Variants in CNTN6 observed in about 807,000 individuals in gnomAD.
The protein encoded by CNTN6 is contactin 6.
CNTN6 carries 137 observed loss-of-function variants against 122.8 expected under a neutral mutation model. That is an observed-to-expected ratio of 1.12 (90% CI 0.97 to 1.29). The LOEUF (loss-of-function observed/expected upper bound fraction) is 1.29. Ranked by LOEUF, CNTN6 falls within the 50% of genes most tolerant of loss-of-function variation. The probability of loss-of-function intolerance (pLI) is 0.00; values close to 1 mark genes in which losing one functional copy is unlikely to be tolerated. For synonymous variants in CNTN6, 570 were observed against 426.0 expected, an observed-to-expected ratio of 1.34 and a Z score of -4.16; for missense variants, 1,634 against 1,223.4, an observed-to-expected ratio of 1.34 and a Z score of -5.01.
At chr3:1,138,888 C>G (rs1574986580) in intron 1 of CNTN6, among the ~76,000 whole-genome samples, 1 of 151,842 alleles carries the variant, frequency 6.6e-6, no homozygotes. Context: ...CCTTTTCATT[C>G]TTTTCATTCC....
At chr3:1,316,068 A>G (rs1575670567) in intron 7 of CNTN6, among the ~76,000 whole-genome samples, 1 of 151,996 alleles carries the variant, frequency 6.6e-6, no homozygotes, top group East Asian at 1.9e-4. Context: ...ATTTTTATTA[A>G]TTGAACACTC....
At chr3:1,154,452 T>TTTTTTTTTTG (rs1202524684) in intron 2 of CNTN6, among the ~76,000 whole-genome samples, 4 of 150,912 alleles carry the variant, frequency 2.7e-5, no homozygotes, top group African/African-American at 7.4e-5. Context: ...TTCTTTCTTT[T>TTTTTTTTTTG]TTTTTTTTGA....
intron 2 of CNTN6, among the ~76,000 whole-genome samples, chr3:1,157,109 A>G (rs554095604): frequency 6.6e-6 from 1 of 151,876 alleles, no homozygotes; most frequent in African/African-American, 2.4e-5. Flanking sequence ...ATAGGCATGC[A>G]ATGCATAATC....
chr3:1,371,901 G>T (rs1017271039), intron 12 of CNTN6, among the ~76,000 whole-genome samples: 2 of 152,084 alleles, frequency 1.3e-5, no homozygotes, highest in South Asian at 2.1e-4. Flanking sequence ...TAGAAACATG[G>T]TTTGTCTCAT....
intron 4 of CNTN6, among the ~76,000 whole-genome samples, chr3:1,244,717 A>G (rs1228821957): frequency 6.6e-6 from 1 of 152,090 alleles, no homozygotes; most frequent in African/African-American, 2.4e-5. Context: ...GAGTCCGAAA[A>G]GAGAGTCAGC....
At chr3:1,271,500 T>C (rs911313688) in intron 4 of CNTN6, among the ~76,000 whole-genome samples, 1 of 152,192 alleles carries the variant, frequency 6.6e-6, no homozygotes, top group Admixed American at 6.5e-5. Flanking sequence ...CTGGTAGTGG[T>C]GATGCACCAC....
At chr3:1,262,643 G>A (rs1477329015) in intron 4 of CNTN6, among the ~76,000 whole-genome samples, 1 of 152,142 alleles carries the variant, frequency 6.6e-6, no homozygotes, top group African/African-American at 2.4e-5. Context: ...AAATCAACCA[G>A]TTGGTCGTTT....
In CNTN6 at chr3:1,170,808, C is replaced by G. The variant is rs184932083; in HGVS notation, c.55+22745C>G. Among the ~76,000 whole-genome samples the G allele has an allele frequency of 1.1e-4, 16 of 152,298 alleles. 2 individuals are homozygous for G. The highest frequency in any genetic ancestry group is 1.0e-3 in the Admixed American group (16 of 15,290). On this transcript the variant is annotated intron_variant, in intron 2 of 22. Transcript: ENST00000446702. ...GAAGGACATAGCTGGGTACCAATCC[C>G]ATCTCTGCTCTTTAAGAAGTTGGGT... is the stretch of plus-strand genomic sequence containing the variant.
chr3:1,132,202 C>A (rs111535839), intron 1 of CNTN6, among the ~76,000 whole-genome samples: 6 of 152,174 alleles, frequency 3.9e-5, no homozygotes, highest in African/African-American at 1.4e-4. Context: ...TGAATAACAT[C>A]TTGTAATATG....
In CNTN6 at chr3:1,280,459, A is replaced by ATTTTT. The variant is rs71619483; in HGVS notation, c.454+1970_454+1974dup. On this transcript the variant is annotated intron_variant, in intron 5 of 22. Coordinates refer to ENST00000446702, the MANE Select transcript of CNTN6 (RefSeq NM_001289080.2). ...GTAATGGCAAACTTGTGTAATACCA[A>ATTTTT]TTTTTTTTTTTTTTTTTTTTTTTGT... Among the ~76,000 whole-genome samples the ATTTTT allele has an allele frequency of 6.0e-3, 398 of 66,566 alleles. 68 individuals carry two copies. Among genetic ancestry groups the ATTTTT allele is most frequent in the African/African-American group, 0.018 (290 of 16,304 alleles). 43.7% of individuals were successfully genotyped at this position (66,566 alleles called of 152,430 possible).
At chr3:1,300,573 GAA>G (rs72571146) in intron 7 of CNTN6, among the ~76,000 whole-genome samples, 159 of 45,572 alleles carry the variant, frequency 3.5e-3, no homozygotes, top group Middle Eastern at 0.019. Flanking sequence ...AAGAAAGAAA[GAA>G]AGAAAGAAAG....
Position 1,245,225 on chromosome 3 carries a change from T to TA in CNTN6, c.358+17233dup, listed in dbSNP as rs1308618434. Among the ~76,000 whole-genome samples the TA allele has an allele frequency of 2.8e-3, 48 of 17,242 alleles. 1 individual carries two copies. The highest frequency in any genetic ancestry group is 4.7e-3 in the East Asian group (4 of 850). 11.3% of individuals were successfully genotyped at this position (17,242 alleles called of 152,430 possible). A position where few individuals can be genotyped will look rare whatever the true frequency, so the allele number is the denominator to read the frequency against. ...ATATATATATATATATATATATATA[T>TA]ATATATATATACACACACACATATA... is the stretch of plus-strand genomic sequence containing the variant. On this transcript the variant is annotated intron_variant, in intron 4 of 22. Transcript: ENST00000446702.
chr3:1,280,740 C>G (rs963580988), intron 5 of CNTN6, among the ~76,000 whole-genome samples: 2 of 152,048 alleles, frequency 1.3e-5, no homozygotes, highest in African/African-American at 4.8e-5. Flanking sequence ...GCTGGGATTA[C>G]AGGCATGAGT....
intron 11 of CNTN6, among the ~76,000 whole-genome samples, chr3:1,347,432 G>A (rs985579166): frequency 3.3e-5 from 5 of 152,072 alleles, no homozygotes; most frequent in African/African-American, 9.7e-5. Context: ...GAGAGAAATG[G>A]CGTTATCACT....
intron 2 of CNTN6, among the ~76,000 whole-genome samples, chr3:1,157,814 A>C (rs1214119000): frequency 6.6e-6 from 1 of 152,126 alleles, no homozygotes; most frequent in Non-Finnish European, 1.5e-5. Flanking sequence ...TGTTGTTTCA[A>C]ATGGCAGAAT....
chr3:1,307,354 A>G (rs1698524647), intron 7 of CNTN6, among the ~76,000 whole-genome samples: 1 of 152,144 alleles, frequency 6.6e-6, no homozygotes, highest in South Asian at 2.1e-4. Flanking sequence ...TGAGAAATGG[A>G]AAATTATTTC....
intron 2 of CNTN6, among the ~76,000 whole-genome samples, chr3:1,152,155 T>C (rs2092859246): frequency 6.6e-6 from 1 of 152,138 alleles, no homozygotes; most frequent in African/African-American, 2.4e-5. Flanking sequence ...TGTTTGTTTT[T>C]TGAGATGGCG....
chr3:1,385,466 C>T, intron 19 of CNTN6, 145 bp from the exon 20 acceptor site: 1 of 557,060 alleles, frequency 1.8e-6, no homozygotes. Flanking sequence ...TGTTGTATAA[C>T]CATTTTAATT....
intron 4 of CNTN6, among the ~76,000 whole-genome samples, chr3:1,244,351 GA>G: frequency 6.6e-6 from 1 of 151,632 alleles, no homozygotes; most frequent in Non-Finnish European, 1.5e-5. Context: ...ACTTGCCGCT[GA>G]GGGTGAAGGA....
Sources: gnomAD v4.1 joint callset for allele counts (sites outside exome capture counted in the v4.1 genomes callset) on GRCh38, gnomAD v4.1.1 for gene constraint, MANE v1.5 for transcripts, NCBI Gene and HGNC (gene_info 2026-07-23, HGNC 2026-07-21) for gene names.